The following MAST4 variants were observed in gnomAD, a reference collection of about 807,000 sequenced individuals.
MAST4 encodes the protein microtubule-associated serine/threonine-protein kinase 4.
Under a neutral mutation model 162.7 loss-of-function variants are expected in MAST4, and 89 were observed. The observed-to-expected ratio is 0.55, with a 90% CI of 0.46 to 0.65. The LOEUF is 0.65. Ranked by LOEUF, MAST4 falls within the 30% of genes least tolerant of loss-of-function variation. The pLI, the probability that MAST4 is intolerant of heterozygous loss-of-function variation, is 0.00. For missense variants in MAST4, 3,153 were observed against 3,374.0 expected, an observed-to-expected ratio of 0.93 and a Z score of 1.62; for synonymous variants, 1,479 against 1,361.1, an observed-to-expected ratio of 1.09 and a Z score of -1.91.
At chr5:66,694,615 T>C (rs1003705710) in intron 1 of MAST4, among the ~76,000 whole-genome samples, 5 of 152,122 alleles carry the variant, frequency 3.3e-5, no homozygotes, top group African/African-American at 4.8e-5. Flanking sequence ...GCCTCCTGAG[T>C]AGCTGGGACT....
chr5:66,754,168 A>G (rs62360038), intron 1 of MAST4, among the ~76,000 whole-genome samples: 23,522 of 151,476 alleles, frequency 0.16, 1,905 homozygotes, highest in Non-Finnish European at 0.22. Flanking sequence ...AATAAGAGCT[A>G]TCTATGACAA....
intron 3 of MAST4, among the ~76,000 whole-genome samples, chr5:66,841,429 A>G (rs1160210193): frequency 6.6e-6 from 1 of 152,178 alleles, no homozygotes; most frequent in South Asian, 2.1e-4. Flanking sequence ...TGGCTGCTCT[A>G]ACAAAATGGC....
intron 3 of MAST4, among the ~76,000 whole-genome samples, chr5:66,820,887 GA>G (rs1037507866): frequency 6.6e-6 from 1 of 150,808 alleles, no homozygotes; most frequent in Non-Finnish European, 1.5e-5. Context: ...AATAATAAGA[GA>G]AAAAAAAAGA....
chr5:66,642,605 G>A (rs190809393), intron 1 of MAST4, among the ~76,000 whole-genome samples: 2 of 152,250 alleles, frequency 1.3e-5, no homozygotes, highest in East Asian at 3.9e-4. Context: ...AAGAATGACT[G>A]CCGATTTGTA....
chr5:66,658,881 G>T (rs767592134), intron 1 of MAST4, among the ~76,000 whole-genome samples: 4 of 152,092 alleles, frequency 2.6e-5, no homozygotes, highest in Non-Finnish European at 5.9e-5. Flanking sequence ...AATTAGCTGG[G>T]CATGGTGTTG....
intron 1 of MAST4, among the ~76,000 whole-genome samples, chr5:66,613,036 A>G (rs994453643): frequency 3.3e-5 from 5 of 152,162 alleles, no homozygotes; most frequent in African/African-American, 1.2e-4. Flanking sequence ...CTGTTTCTTT[A>G]AAAAGATTTG....
At chr5:67,014,088 A>G (rs1321469731) in intron 4 of MAST4, among the ~76,000 whole-genome samples, 1 of 151,686 alleles carries the variant, frequency 6.6e-6, no homozygotes, top group East Asian at 1.9e-4. Flanking sequence ...TACTGAAGCT[A>G]TGTCAGATTT....
intron 27 of MAST4, among the ~76,000 whole-genome samples, chr5:67,161,928 A>G (rs1432947421): frequency 6.6e-6 from 1 of 152,226 alleles, no homozygotes; most frequent in Non-Finnish European, 1.5e-5. Flanking sequence ...AACTTTGCAC[A>G]GCCCGATGCC....
intron 1 of MAST4, among the ~76,000 whole-genome samples, chr5:66,715,372 T>C (rs1750751957): frequency 6.6e-6 from 1 of 152,150 alleles, no homozygotes; most frequent in Non-Finnish European, 1.5e-5. Context: ...TCATGTAATG[T>C]GTTGATGATT....
At chr5:66,856,651 C>T (rs1244130668) in intron 3 of MAST4, among the ~76,000 whole-genome samples, 2 of 152,180 alleles carry the variant, frequency 1.3e-5, no homozygotes, top group African/African-American at 2.4e-5. Flanking sequence ...TGACTGATTG[C>T]CTTCCTGATT....
intron 4 of MAST4, among the ~76,000 whole-genome samples, chr5:66,998,236 G>A (rs1006251243): frequency 1.3e-5 from 2 of 152,184 alleles, no homozygotes; most frequent in Non-Finnish European, 2.9e-5. Context: ...CTCAAGAGCT[G>A]TATAAGAAAT....
chr5:66,762,443 T>C (rs935320495), intron 2 of MAST4, among the ~76,000 whole-genome samples: 3 of 152,078 alleles, frequency 2.0e-5, no homozygotes, highest in Non-Finnish European at 4.4e-5. Flanking sequence ...CTAATTGAAT[T>C]TGGGGGGATT....
At chr5:66,744,095 AT>A (rs1317909102) in intron 1 of MAST4, among the ~76,000 whole-genome samples, 1 of 150,878 alleles carries the variant, frequency 6.6e-6, no homozygotes, top group African/African-American at 2.4e-5. Flanking sequence ...TTTTCTGGTT[AT>A]TTTTTTCCCT....
At chr5:66,680,263 G>C (rs6880657) in intron 1 of MAST4, among the ~76,000 whole-genome samples, 116,134 of 152,198 alleles carry the variant, frequency 0.76, 45,524 homozygotes, top group African/African-American at 0.93. Context: ...TGTTGACTTT[G>C]TTTTTTAGAG....
intron 11 of MAST4, among the ~76,000 whole-genome samples, chr5:67,111,350 T>C (rs1766217226): frequency 6.6e-6 from 1 of 152,224 alleles, no homozygotes. Flanking sequence ...TAATAATTTA[T>C]AATAGTGAAA....
chr5:67,166,283 G>A lies in MAST4; in HGVS notation c.7104G>A (p.Arg2368=). Residue 2368 remains arginine, a synonymous_variant, in exon 29 of 29, where the codon AGG becomes AGA. Transcript: ENST00000403625. ...AGCCGGCCGCCAACACCGACAGAAG[G>A]GCGGAAGGGAAGAAATGCACTGAAG... ...PSQPAANTDR[R]AEGKKCTEAL... 1 of 1,559,360 alleles carries A rather than the reference G, an allele frequency of 6.4e-7. No individual in the cohort carries two copies.
At chr5:66,872,896 C>T (rs1278293814) in intron 3 of MAST4, among the ~76,000 whole-genome samples, 1 of 152,114 alleles carries the variant, frequency 6.6e-6, no homozygotes, top group Non-Finnish European at 1.5e-5. Flanking sequence ...TTTTGTTCCC[C>T]CTCTTTCTTT....
intron 1 of MAST4, among the ~76,000 whole-genome samples, chr5:66,686,293 T>C (rs1748650916): frequency 6.6e-6 from 1 of 152,212 alleles, no homozygotes; most frequent in Non-Finnish European, 1.5e-5. Flanking sequence ...CACAGTAATC[T>C]GTTTAACAAA....
chr5:66,907,330 A>G (rs1763438330), intron 4 of MAST4, among the ~76,000 whole-genome samples: 1 of 149,924 alleles, frequency 6.7e-6, no homozygotes, highest in South Asian at 2.1e-4. Flanking sequence ...TCATCCTCCC[A>G]GGGTGCAGGT....
Sources: gnomAD v4.1 joint callset for allele counts (sites outside exome capture counted in the v4.1 genomes callset) on GRCh38, gnomAD v4.1.1 for gene constraint, MANE v1.5 for transcripts, NCBI Gene and HGNC (gene_info 2026-07-23, HGNC 2026-07-21) for gene names.